Variants in AP3S1 observed in about 807,000 individuals in gnomAD.
AP3S1 encodes AP-3 complex subunit sigma-1.
Under a neutral mutation model 21.3 loss-of-function variants are expected in AP3S1, and 12 were observed. The observed-to-expected ratio is 0.56, with a 90% CI of 0.36 to 0.91. The LOEUF (loss-of-function observed/expected upper bound fraction) is 0.91, where lower values mean the gene tolerates loss of function less well. Among genes scored for constraint, AP3S1 ranks in the 40% least tolerant of loss-of-function variants. The pLI, the probability that AP3S1 is intolerant of heterozygous loss-of-function variation, is 0.01. For missense variants in AP3S1, 116 were observed against 225.0 expected (o/e 0.52, Z 3.10); for synonymous variants, 48 against 78.4 (o/e 0.61, Z 2.05).
intron 1 of AP3S1, among the ~76,000 whole-genome samples, chr5:115,851,668 T>C (rs1199036393): frequency 1.3e-5 from 2 of 152,140 alleles, no homozygotes; most frequent in Non-Finnish European, 2.9e-5. Flanking sequence ...CAGTTGTTTG[T>C]TTTTGTTGTT....
At chr5:115,901,547 T>G (rs1369547691) in intron 4 of AP3S1, among the ~76,000 whole-genome samples, 1 of 151,718 alleles carries the variant, frequency 6.6e-6, no homozygotes, top group Non-Finnish European at 1.5e-5. Context: ...TAGTAAATAA[T>G]GATGACTTTT....
At chr5:115,842,695 C>G (rs559257800) in intron 1 of AP3S1, 74 of 152,400 alleles carry the variant, frequency 4.9e-4, no homozygotes, top group African/African-American at 1.8e-3. Context: ...AGTCTCTCTT[C>G]TGCATGTTTC....
intron 3 of AP3S1, among the ~76,000 whole-genome samples, chr5:115,894,216 C>A (rs192347313): frequency 2.0e-5 from 3 of 152,220 alleles, no homozygotes; most frequent in African/African-American, 7.2e-5. Context: ...CTTAATTTCC[C>A]CCAAAATATG....
At chr5:115,854,460 C>T (rs1762656628) in intron 1 of AP3S1, among the ~76,000 whole-genome samples, 1 of 152,112 alleles carries the variant, frequency 6.6e-6, no homozygotes, top group African/African-American at 2.4e-5. Flanking sequence ...GCCCCAGTCT[C>T]TTCTTGTTTG....
intron 3 of AP3S1, among the ~76,000 whole-genome samples, chr5:115,888,418 G>A (rs17138338): frequency 0.22 from 33,273 of 151,922 alleles, 4,208 homozygotes; most frequent in African/African-American, 0.33. Flanking sequence ...ATCAGTGTGT[G>A]ATGGACCTTA....
chr5:115,874,538 A>G (rs1259482080), intron 3 of AP3S1, among the ~76,000 whole-genome samples: 1 of 152,108 alleles, frequency 6.6e-6, no homozygotes, highest in East Asian at 1.9e-4. Context: ...AGTTGTAGCT[A>G]GATTAAAAAA....
At chr5:115,861,615 C>T (rs1763188164) in intron 1 of AP3S1, among the ~76,000 whole-genome samples, 1 of 151,994 alleles carries the variant, frequency 6.6e-6, no homozygotes, top group Non-Finnish European at 1.5e-5. Flanking sequence ...ATTGTGGTGG[C>T]ATGATCTTGG....
chr5:115,908,173 C>T (rs1465699458), intron 5 of AP3S1, among the ~76,000 whole-genome samples: 1 of 152,092 alleles, frequency 6.6e-6, no homozygotes, highest in Non-Finnish European at 1.5e-5. Flanking sequence ...TTTTTGGTCC[C>T]TCTATCCATG....
At chr5:115,872,649 A>G (rs1180125323) in intron 3 of AP3S1, among the ~76,000 whole-genome samples, 2 of 152,148 alleles carry the variant, frequency 1.3e-5, no homozygotes, top group Non-Finnish European at 2.9e-5. Flanking sequence ...CCTGGGGCCT[A>G]CTTGAGAAAC....
chr5:115,860,706 G>T (rs1391815652), intron 1 of AP3S1, among the ~76,000 whole-genome samples: 2 of 152,120 alleles, frequency 1.3e-5, no homozygotes, highest in African/African-American at 4.8e-5. Context: ...ACACTTTCAA[G>T]ATTTTGTTGT....
intron 1 of AP3S1, among the ~76,000 whole-genome samples, chr5:115,849,599 A>C (rs1001891556): frequency 6.6e-6 from 1 of 152,202 alleles, no homozygotes; most frequent in African/African-American, 2.4e-5. Context: ...CATGTTCTCC[A>C]CAAGAGGAGA....
chr5:115,856,536 G>A (rs1009103013), intron 1 of AP3S1, among the ~76,000 whole-genome samples: 1 of 151,764 alleles, frequency 6.6e-6, no homozygotes, highest in African/African-American at 2.4e-5. Flanking sequence ...GCTCACTGCA[G>A]CCTCAACCTC....
chr5:115,868,883 A>G (rs1747939743), intron 2 of AP3S1, among the ~76,000 whole-genome samples: 1 of 111,958 alleles, frequency 8.9e-6, no homozygotes, highest in Non-Finnish European at 1.8e-5. Context: ...CTCTGTCTCA[A>G]AAAGAAAGAG....
At chr5:115,893,256 T>C (rs1212135139) in intron 3 of AP3S1, among the ~76,000 whole-genome samples, 1 of 152,134 alleles carries the variant, frequency 6.6e-6, no homozygotes, top group Non-Finnish European at 1.5e-5. Context: ...CCAGCAAAAG[T>C]TGAATCACTT....
At chr5:115,860,721 G>T (rs1368753413) in intron 1 of AP3S1, among the ~76,000 whole-genome samples, 1 of 152,072 alleles carries the variant, frequency 6.6e-6, no homozygotes, top group Non-Finnish European at 1.5e-5. Context: ...TGTTGTTGTT[G>T]TCTTCCTTTC....
chr5:115,855,407 C>T lies in AP3S1; in HGVS notation c.70-11263C>T, dbSNP rs181719648. 9.3e-3 allele frequency among the ~76,000 whole-genome samples: 1,419 copies of T among 152,028 alleles called. 11 individuals carry two copies. The highest frequency in any genetic ancestry group is 0.017 in the Middle Eastern group (5 of 294). On this transcript the variant is annotated intron_variant, in intron 1 of 5. Coordinates refer to ENST00000316788, the MANE Select transcript of AP3S1 (RefSeq NM_001284.4). ...TAGGCTGGAGTCCGGTGGTATATCACGGCTCACTGCAGCCTTGATCTCCCT... is the reference window on the plus strand; with the variant it reads ...TAGGCTGGAGTCCGGTGGTATATCATGGCTCACTGCAGCCTTGATCTCCCT...
rs150014939 is a variant in AP3S1, at chr5:115,849,641, C to T, written c.69+7535C>T. 3.1e-3 allele frequency among the ~76,000 whole-genome samples: 471 copies of T among 152,270 alleles called. 1 individual carries two copies. Among genetic ancestry groups the T allele is most frequent in the South Asian group, 4.6e-3 (22 of 4,822 alleles). ...TCTTTGAATCACACTTGCATTTTGCCATTTAAACAGTGCCTCTGCAGAAGG... is the reference window on the plus strand; with the variant it reads ...TCTTTGAATCACACTTGCATTTTGCTATTTAAACAGTGCCTCTGCAGAAGG... On this transcript the variant is annotated intron_variant, in intron 1 of 5. Transcript: ENST00000316788.
chr5:115,909,055 C>G, intron 5 of AP3S1: 1 of 824,270 alleles, frequency 1.2e-6, no homozygotes, highest in Non-Finnish European at 1.5e-6. Context: ...ACAGTTTGTT[C>G]CAACTACCAT....
chr5:115,897,383 A>G (rs1750841077), intron 4 of AP3S1, among the ~76,000 whole-genome samples: 1 of 152,166 alleles, frequency 6.6e-6, no homozygotes, highest in African/African-American at 2.4e-5. Flanking sequence ...TAGGATACCA[A>G]AAGACAGAGA....
Sources: gnomAD v4.1 joint callset for allele counts (sites outside exome capture counted in the v4.1 genomes callset) on GRCh38, gnomAD v4.1.1 for gene constraint, MANE v1.5 for transcripts, NCBI Gene and HGNC (gene_info 2026-07-23, HGNC 2026-07-21) for gene names.